Variants in RAD54L2 observed in about 807,000 individuals in gnomAD.
The protein encoded by RAD54L2 is helicase ARIP4.
A neutral mutation model predicts 138.4 loss-of-function variants in RAD54L2; 27 were observed. That is an observed-to-expected ratio of 0.20 (90% CI 0.14 to 0.27). The LOEUF (loss-of-function observed/expected upper bound fraction) is 0.27, where lower values mean the gene tolerates loss of function less well. Among genes scored for constraint, RAD54L2 ranks in the 10% least tolerant of loss-of-function variants. The probability of loss-of-function intolerance (pLI) is 1.00; values close to 1 mark genes in which losing one functional copy is unlikely to be tolerated. For missense variants in RAD54L2, 1,396 were observed against 1,890.2 expected, an observed-to-expected ratio of 0.74 and a Z score of 4.85; for synonymous variants, 644 against 723.2, an observed-to-expected ratio of 0.89 and a Z score of 1.76.
At position 51,666,409 on chromosome 3, in the gene RAD54L2, G is replaced by T. The variant is rs1701913575; in HGVS notation, c.*2989G>T. On this transcript the variant is annotated 3_prime_UTR_variant, in exon 23 of 23. Transcript: ENST00000684192. ...TCCACCCATTATCCAGGCCTGAGGG[G>T]GGCAGGGTGGCTGGTGATAAGAGGG... 1 of 151,894 alleles carries T rather than the reference G, an allele frequency of 6.6e-6. No individual in the cohort carries two copies. Among genetic ancestry groups the T allele is most frequent in the African/African-American group, 2.4e-5 (1 of 41,326 alleles). The allele number at this position is 151,894 out of a possible 1,614,324, so 9.4% of individuals were successfully genotyped here.
At chr3:51,556,750 A>G (rs1366503015) in intron 2 of RAD54L2, among the ~76,000 whole-genome samples, 1 of 151,298 alleles carries the variant, frequency 6.6e-6, no homozygotes, top group Non-Finnish European at 1.5e-5. Flanking sequence ...CTAATTTTGT[A>G]TTTTTAGTAT....
intron 2 of RAD54L2, among the ~76,000 whole-genome samples, chr3:51,569,358 T>C (rs1001474614): frequency 1.3e-5 from 2 of 152,128 alleles, no homozygotes; most frequent in African/African-American, 4.8e-5. Flanking sequence ...ACTTCTTTGA[T>C]GGCCCAAAAT....
At chr3:51,631,249 G>A (rs925577728) in intron 7 of RAD54L2, among the ~76,000 whole-genome samples, 1 of 152,134 alleles carries the variant, frequency 6.6e-6, no homozygotes, top group Non-Finnish European at 1.5e-5. Context: ...CTGGTGAGCA[G>A]TGCTTTGATT....
chr3:51,616,693 T>C (rs1454210425), intron 3 of RAD54L2, among the ~76,000 whole-genome samples: 2 of 152,094 alleles, frequency 1.3e-5, no homozygotes, highest in Non-Finnish European at 2.9e-5. Context: ...CTGGGCTTGG[T>C]GGTAGGCGCC....
chr3:51,557,296 C>T (rs1698994973), intron 2 of RAD54L2, among the ~76,000 whole-genome samples: 2 of 149,626 alleles, frequency 1.3e-5, no homozygotes, highest in Admixed American at 6.8e-5. Flanking sequence ...TATTCTCCAA[C>T]CTCAGCCTCC....
At position 51,546,979 on chromosome 3, in the gene RAD54L2, A is replaced by G. The variant is rs1553672429; in HGVS notation, c.-55+5329A>G. Among the ~76,000 whole-genome samples the G allele has an allele frequency of 2.0e-5, 3 of 151,770 alleles. No homozygotes were observed. In the East Asian group the frequency reaches 5.8e-4, roughly 29 times the overall value. On this transcript the variant is annotated intron_variant, in intron 2 of 22. Transcript: ENST00000684192. ...GGGAGGCAAAGGTTGCAGTGAGCCG[A>G]GATCTCACCACTGCACTCCAACCTG... is the stretch of plus-strand genomic sequence containing the variant.
At chr3:51,548,418 C>T (rs578126863) in intron 2 of RAD54L2, among the ~76,000 whole-genome samples, 1 of 152,230 alleles carries the variant, frequency 6.6e-6, no homozygotes, top group South Asian at 2.1e-4. Context: ...GAACTCCTGA[C>T]CTCAGGTGAT....
At chr3:51,627,281 T>C (rs1700713937) in intron 3 of RAD54L2, among the ~76,000 whole-genome samples, 1 of 152,158 alleles carries the variant, frequency 6.6e-6, no homozygotes, top group African/African-American at 2.4e-5. Flanking sequence ...ACTACAGTAA[T>C]AGTGATGGCT....
In RAD54L2 at chr3:51,646,395, C is replaced by T; in HGVS notation, c.2940C>T (p.Val980=). The part of the protein sequence containing the change: ...KSYEEDKRTS[V]PYTRPSYAQY... ...ATGAGGAAGACAAACGCACATCAGT[C>T]CCCTATACCCGCCCATCGTATGCGC... The change falls in exon 19 of 23, where the codon GTC becomes GTT. Residue 980 remains valine, a synonymous_variant. Transcript: ENST00000684192. 1 of 1,613,880 alleles carries T rather than the reference C, an allele frequency of 6.2e-7. No homozygotes were observed. Among genetic ancestry groups the T allele is most frequent in the Non-Finnish European group, 8.5e-7 (1 of 1,179,840 alleles).
chr3:51,613,241 G>A (rs778016217), intron 3 of RAD54L2, among the ~76,000 whole-genome samples: 1 of 151,884 alleles, frequency 6.6e-6, no homozygotes. Flanking sequence ...CCGGCCCCAC[G>A]CATGTGGTTT....
At chr3:51,597,518 C>T (rs1464254889) in intron 3 of RAD54L2, among the ~76,000 whole-genome samples, 6 of 152,002 alleles carry the variant, frequency 3.9e-5, no homozygotes, top group African/African-American at 7.2e-5. Flanking sequence ...AATTCACATA[C>T]GTTTTTTGAG....
chr3:51,546,932 G>A (rs1377714458), intron 2 of RAD54L2, among the ~76,000 whole-genome samples: 1 of 152,090 alleles, frequency 6.6e-6, no homozygotes, highest in South Asian at 2.1e-4. Context: ...GGAAGGCTGA[G>A]GCAGGAGAAT....
chr3:51,617,764 T>A (rs1700476674), intron 3 of RAD54L2, among the ~76,000 whole-genome samples: 1 of 152,168 alleles, frequency 6.6e-6, no homozygotes, highest in Non-Finnish European at 1.5e-5. Flanking sequence ...TAGTCCCAGC[T>A]GCTCAGGAGA....
chr3:51,598,109 A>ATG (rs1301300380), intron 3 of RAD54L2, among the ~76,000 whole-genome samples: 390 of 145,290 alleles, frequency 2.7e-3, no homozygotes, highest in Middle Eastern at 7.2e-3. Context: ...ATATATATAT[A>ATG]TGTGTGTGTG....
At chr3:51,633,867 A>G (rs1440743406) in intron 8 of RAD54L2, 35 bp from the exon 9 acceptor site, 6 of 1,608,532 alleles carry the variant, frequency 3.7e-6, no homozygotes, top group Non-Finnish European at 4.2e-6. Context: ...AGTTTGTTCC[A>G]TAAAACTCTC....
At chr3:51,614,419 C>T (rs1320471441) in intron 3 of RAD54L2, among the ~76,000 whole-genome samples, 4 of 152,126 alleles carry the variant, frequency 2.6e-5, no homozygotes, top group Admixed American at 2.6e-4. Context: ...CTGCCTCAAC[C>T]TCCCAAAGCG....
intron 3 of RAD54L2, among the ~76,000 whole-genome samples, chr3:51,612,794 A>C (rs1004511901): frequency 1.3e-5 from 2 of 152,104 alleles, no homozygotes; most frequent in Non-Finnish European, 2.9e-5. Flanking sequence ...GTAAGTGGAC[A>C]TAGGAGAGGC....
chr3:51,568,987 G>A (rs889948346), intron 2 of RAD54L2, among the ~76,000 whole-genome samples: 3 of 152,104 alleles, frequency 2.0e-5, no homozygotes, highest in African/African-American at 7.2e-5. Flanking sequence ...AAACAAATGG[G>A]GTCAGCATTC....
At chr3:51,648,182 C>A (rs1701335307) in intron 19 of RAD54L2, among the ~76,000 whole-genome samples, 1 of 152,206 alleles carries the variant, frequency 6.6e-6, no homozygotes, top group Non-Finnish European at 1.5e-5. Context: ...ACCCACGGAG[C>A]CTTGCTCACT....
Sources: allele counts gnomAD v4.1 joint callset (sites outside exome capture counted in the v4.1 genomes callset), GRCh38; gene constraint gnomAD v4.1.1; transcripts MANE v1.5; gene names NCBI Gene and HGNC (gene_info 2026-07-23, HGNC 2026-07-21).